Variants in DIP2B observed in about 807,000 individuals in gnomAD.
The protein encoded by DIP2B is DIP2 acetate--CoA ligase B (putative).
Under a neutral mutation model 198.0 loss-of-function variants are expected in DIP2B, and 76 were observed. That is an observed-to-expected ratio of 0.38 (90% CI 0.32 to 0.46). The LOEUF (loss-of-function observed/expected upper bound fraction) is 0.46. Ranked by LOEUF, DIP2B falls within the 20% of genes least tolerant of loss-of-function variation. DIP2B has a pLI of 0.99. For missense variants in DIP2B, 1,559 were observed against 1,978.4 expected, an observed-to-expected ratio of 0.79 and a Z score of 4.02; for synonymous variants, 701 against 739.1, an observed-to-expected ratio of 0.95 and a Z score of 0.84.
intron 23 of DIP2B, 125 bp from the exon 24 acceptor site, chr12:50,718,584 T>TA: frequency 1.2e-6 from 1 of 823,090 alleles, no homozygotes; most frequent in Non-Finnish European, 2.0e-6. Flanking sequence ...TCCCAGTGCC[T>TA]AGAAGAGTGT....
Position 50,642,788 on chromosome 12 carries a change from CA to C in DIP2B, c.301+1945del, listed in dbSNP as rs889643653. Reference sequence around the variant, plus strand: ...TGGGCGACTGAGCGAGACTCTGTCTCAAAAAAAAACAACAACACATCGTGGT... The same window carrying C: ...TGGGCGACTGAGCGAGACTCTGTCTCAAAAAAAACAACAACACATCGTGGT... On this transcript the variant is annotated intron_variant, in intron 3 of 37. Transcript: ENST00000301180. Among the ~76,000 whole-genome samples, 4 of 149,356 alleles carry C rather than the reference CA, an allele frequency of 2.7e-5. 1 individual carries two copies. The highest frequency in any genetic ancestry group is 6.8e-3 in the Middle Eastern group (2 of 292).
chr12:50,732,454 A>G lies in DIP2B; in HGVS notation c.3899A>G (p.Lys1300Arg). The change falls in exon 32 of 38, where the codon AAG (lysine) becomes AGG (arginine). Residue 1300 changes from lysine (K) to arginine (R), a missense_variant. Transcript: ENST00000301180. ...PRVALQQSFS[K>R]LFKDIGLSPR... ...GTTGCACTCCAGCAGTCCTTCTCTAAGCTCTTCAAAGACATCGGGCTGTCC... is the reference window on the plus strand; with the variant it reads ...GTTGCACTCCAGCAGTCCTTCTCTAGGCTCTTCAAAGACATCGGGCTGTCC... The G allele has an allele frequency of 6.2e-7, 1 of 1,614,228 alleles. No individual in the cohort carries two copies. Among genetic ancestry groups the G allele is most frequent in the Non-Finnish European group, 8.5e-7 (1 of 1,180,038 alleles).
chr12:50,680,513 AG>A (rs1408888155), intron 8 of DIP2B, among the ~76,000 whole-genome samples, 158 bp from the exon 9 acceptor site: 1 of 152,054 alleles, frequency 6.6e-6, no homozygotes, highest in Non-Finnish European at 1.5e-5. Flanking sequence ...TTTTGTGGGG[AG>A]GCCTACTGTG....
intron 1 of DIP2B, among the ~76,000 whole-genome samples, chr12:50,558,914 C>G (rs1269656923): frequency 1.3e-5 from 2 of 152,326 alleles, no homozygotes; most frequent in Non-Finnish European, 1.5e-5. Flanking sequence ...ACTCCAGAGC[C>G]TCCCTCTTCT....
At chr12:50,526,953 A>T (rs2139359160) in intron 1 of DIP2B, among the ~76,000 whole-genome samples, 1 of 152,200 alleles carries the variant, frequency 6.6e-6, no homozygotes, top group East Asian at 1.9e-4. Context: ...CTCTGTCTTA[A>T]CCAAATGTAA....
At chr12:50,736,200 C>T (rs531317837) in intron 34 of DIP2B, among the ~76,000 whole-genome samples, 61 of 152,296 alleles carry the variant, frequency 4.0e-4, no homozygotes, top group Middle Eastern at 3.4e-3. Context: ...TTTGCATCTG[C>T]GAGCAGAGGG....
chr12:50,553,689 T>A (rs571267215), intron 1 of DIP2B, among the ~76,000 whole-genome samples: 1 of 152,208 alleles, frequency 6.6e-6, no homozygotes, highest in Non-Finnish European at 1.5e-5. Flanking sequence ...GTTCTCACTC[T>A]GTCACCCAGG....
chr12:50,658,395 C>T (rs1938589971), intron 3 of DIP2B, among the ~76,000 whole-genome samples: 1 of 152,098 alleles, frequency 6.6e-6, no homozygotes, highest in African/African-American at 2.4e-5. Flanking sequence ...CTTAGGCCTC[C>T]CAAAGTGCTG....
Position 50,679,046 on chromosome 12 carries a change from T to C in DIP2B, c.1114+170T>C. On this transcript the variant is annotated intron_variant, in intron 8 of 37. Transcript: ENST00000301180. Reference sequence around the variant, plus strand: ...GTAAAGCTATTGCCAAATATTTTCATTTGCTAAAGCAACATTTGCAAGCCA... The same window carrying C: ...GTAAAGCTATTGCCAAATATTTTCACTTGCTAAAGCAACATTTGCAAGCCA... 2 of 763,502 alleles carry C rather than the reference T, an allele frequency of 2.6e-6. 1 individual carries two copies. The highest frequency in any genetic ancestry group is 4.0e-5 in the South Asian group (2 of 50,588). The allele number at this position is 763,502 out of a possible 1,614,324, so 47.3% of individuals were successfully genotyped here. A position where few individuals can be genotyped will look rare whatever the true frequency, so the allele number is the denominator to read the frequency against.
At chr12:50,660,880 T>C (rs1469400755) in intron 4 of DIP2B, among the ~76,000 whole-genome samples, 1 of 152,172 alleles carries the variant, frequency 6.6e-6, no homozygotes, top group African/African-American at 2.4e-5. Context: ...CACATTTATT[T>C]ATTTTTTAAG....
intron 10 of DIP2B, among the ~76,000 whole-genome samples, chr12:50,684,006 G>C (rs913518773): frequency 5.3e-5 from 8 of 152,034 alleles, no homozygotes; most frequent in African/African-American, 1.9e-4. Flanking sequence ...CCAGCTATTT[G>C]AGAAGCTGAG....
At chr12:50,634,898 T>A (rs1294309243) in intron 2 of DIP2B, among the ~76,000 whole-genome samples, 4 of 152,158 alleles carry the variant, frequency 2.6e-5, no homozygotes, top group African/African-American at 9.7e-5. Context: ...GATAAAAGTG[T>A]TAGGTAATAC....
intron 1 of DIP2B, among the ~76,000 whole-genome samples, chr12:50,542,266 GAAAA>G (rs1005366730): frequency 2.1e-5 from 3 of 143,440 alleles, no homozygotes; most frequent in African/African-American, 7.7e-5. Context: ...AAAAAAAAAA[GAAAA>G]AAAAGAAAAA....
chr12:50,544,836 C>A (rs1449474413), intron 1 of DIP2B, among the ~76,000 whole-genome samples: 1 of 151,866 alleles, frequency 6.6e-6, no homozygotes, highest in African/African-American at 2.4e-5. Flanking sequence ...CCAGGCTGAT[C>A]TCGAACTCCT....
At chr12:50,587,344 G>A (rs1021074904) in intron 1 of DIP2B, among the ~76,000 whole-genome samples, 8 of 152,078 alleles carry the variant, frequency 5.3e-5, no homozygotes, top group African/African-American at 1.9e-4. Flanking sequence ...CCACCCTCTT[G>A]TTTTGTCCCT....
At chr12:50,547,057 T>A (rs1400602804) in intron 1 of DIP2B, among the ~76,000 whole-genome samples, 2 of 152,236 alleles carry the variant, frequency 1.3e-5, no homozygotes, top group Admixed American at 1.3e-4. Flanking sequence ...CGTGGTACTA[T>A]TAACCACCAA....
intron 10 of DIP2B, among the ~76,000 whole-genome samples, chr12:50,683,914 G>A (rs2139538914): frequency 6.6e-6 from 1 of 152,204 alleles, no homozygotes; most frequent in South Asian, 2.1e-4. Context: ...AAGGTTGAGA[G>A]CAGCCTAGGC....
At chr12:50,740,118 T>C (rs1454064379) in intron 36 of DIP2B, among the ~76,000 whole-genome samples, 1 of 152,228 alleles carries the variant, frequency 6.6e-6, no homozygotes, top group Non-Finnish European at 1.5e-5. Context: ...GCTTCACTGC[T>C]GCCCGCCATC....
At chr12:50,629,866 CGTCCCT>C (rs1388029762) in intron 2 of DIP2B, among the ~76,000 whole-genome samples, 1 of 151,976 alleles carries the variant, frequency 6.6e-6, no homozygotes, top group East Asian at 1.9e-4. Flanking sequence ...TCATCCTCAA[CGTCCCT>C]GTCTTCCTTC....
Sources: allele counts gnomAD v4.1 joint callset (sites outside exome capture counted in the v4.1 genomes callset), GRCh38; gene constraint gnomAD v4.1.1; transcripts MANE v1.5; gene names NCBI Gene and HGNC (gene_info 2026-07-23, HGNC 2026-07-21).